DPYD: variants seen among roughly 807,000 people sequenced by gnomAD.
The protein encoded by DPYD is dihydropyrimidine dehydrogenase [NADP(+)].
In DPYD, 109 loss-of-function variants were observed where a neutral mutation model predicts 116.2. The observed-to-expected ratio is 0.94, with a 90% CI of 0.80 to 1.10. The LOEUF (loss-of-function observed/expected upper bound fraction) is 1.10, where lower values mean the gene tolerates loss of function less well. Ranked by LOEUF, DPYD falls within the 50% of genes least tolerant of loss-of-function variation. The probability of loss-of-function intolerance (pLI) is 0.00; values close to 1 mark genes in which losing one functional copy is unlikely to be tolerated. For synonymous variants in DPYD, 440 were observed against 432.0 expected (o/e 1.02, Z -0.23); for missense variants, 1,302 against 1,254.5 (o/e 1.04, Z -0.57).
chr1:97,373,471 G>T, intron 16 of DPYD, 90 bp downstream of exon 16: 1 of 1,078,642 alleles, frequency 9.3e-7, no homozygotes, highest in Non-Finnish European at 1.4e-6. Flanking sequence ...TCTGATCCAT[G>T]CATCTCCTTG....
intron 3 of DPYD, chr1:97,797,878 A>G (rs1304283918): frequency 6.6e-6 from 1 of 152,112 alleles, no homozygotes; most frequent in Non-Finnish European, 1.5e-5. Context: ...CCTAAGATTT[A>G]TGATAAGTTC....
intron 12 of DPYD, among the ~76,000 whole-genome samples, chr1:97,532,081 T>C (rs999498605): frequency 3.9e-5 from 6 of 152,108 alleles, no homozygotes; most frequent in African/African-American, 1.4e-4. Context: ...TTAATTTTTC[T>C]TCTTGTTATC....
At chr1:97,302,469 C>T (rs1251788519) in intron 18 of DPYD, among the ~76,000 whole-genome samples, 1 of 151,772 alleles carries the variant, frequency 6.6e-6, no homozygotes, top group Non-Finnish European at 1.5e-5. Context: ...AGCACCGCCC[C>T]CCAGAGTTTA....
intron 1 of DPYD, among the ~76,000 whole-genome samples, chr1:97,919,229 A>G (rs1674376553): frequency 6.6e-6 from 1 of 152,224 alleles, no homozygotes; most frequent in Non-Finnish European, 1.5e-5. Context: ...ACTACATAAG[A>G]GCTGAAGGTG....
chr1:97,305,445 C>T (rs1667102117), intron 17 of DPYD, 67 bp from the exon 18 acceptor site: 6 of 1,602,690 alleles, frequency 3.7e-6, no homozygotes, highest in Non-Finnish European at 5.1e-6. Flanking sequence ...CCCATTCAAA[C>T]CCTCACATCC....
intron 3 of DPYD, among the ~76,000 whole-genome samples, chr1:97,814,945 G>GAAAGGAGAGAAAA (rs1668515018): frequency 7.3e-6 from 1 of 137,760 alleles, no homozygotes; most frequent in African/African-American, 2.7e-5. Context: ...AAGAAAGAAA[G>GAAAGGAGAGAAAA]AAAGAAAGAA....
chr1:97,545,718 G>A (rs1389597660), intron 12 of DPYD: 8 of 1,111,086 alleles, frequency 7.2e-6, no homozygotes, highest in Middle Eastern at 2.0e-4. Flanking sequence ...TAATAGTAAT[G>A]GCCCCGAACC....
chr1:97,174,629 C>A (rs1274149591), intron 20 of DPYD, among the ~76,000 whole-genome samples: 4 of 152,086 alleles, frequency 2.6e-5, no homozygotes, highest in Non-Finnish European at 4.4e-5. Flanking sequence ...CCAAAGGCTA[C>A]CTGATTAAAA....
At chr1:97,218,923 G>T (rs547336665) in intron 19 of DPYD, among the ~76,000 whole-genome samples, 1 of 152,064 alleles carries the variant, frequency 6.6e-6, no homozygotes, top group African/African-American at 2.4e-5. Context: ...TGTTAGTACT[G>T]CAAAGAGAAA....
At position 97,718,883 on chromosome 1, in the gene DPYD, G is replaced by T. The variant is rs528658000; in HGVS notation, c.483+2627C>A. ...AATATTTTCAAAATAAAATTTTCAA[G>T]GGTTATATTTGTGCAGAGAAATTCA... On this transcript the variant is annotated intron_variant, in intron 5 of 22. Coordinates refer to ENST00000370192, the MANE Select transcript of DPYD (RefSeq NM_000110.4). Among the ~76,000 whole-genome samples the T allele has an allele frequency of 1.1e-3, 163 of 151,188 alleles. 1 individual carries two copies. Among genetic ancestry groups the T allele is most frequent in the African/African-American group, 3.9e-3 (163 of 41,274 alleles).
intron 13 of DPYD, among the ~76,000 whole-genome samples, chr1:97,459,970 G>A (rs1273951942): frequency 4.6e-5 from 7 of 152,104 alleles, no homozygotes; most frequent in African/African-American, 7.2e-5. Flanking sequence ...GTCACCTTTC[G>A]AGGGAGGAGA....
At chr1:97,622,036 G>A (rs1384896884) in intron 8 of DPYD, among the ~76,000 whole-genome samples, 3 of 151,990 alleles carry the variant, frequency 2.0e-5, no homozygotes, top group African/African-American at 7.2e-5. Context: ...GGGCAGAATA[G>A]ACAAATTCCC....
intron 16 of DPYD, among the ~76,000 whole-genome samples, chr1:97,339,663 A>T (rs1006102754): frequency 2.0e-5 from 3 of 152,234 alleles, no homozygotes; most frequent in African/African-American, 2.4e-5. Context: ...TTTCTACCAG[A>T]AGCAAATCTC....
chr1:97,393,061 T>C (rs1672802029), intron 14 of DPYD, among the ~76,000 whole-genome samples: 1 of 152,092 alleles, frequency 6.6e-6, no homozygotes, highest in South Asian at 2.1e-4. Flanking sequence ...ATCATTTGTG[T>C]GTTCACTGGA....
chr1:97,920,855 C>T, intron 1 of DPYD, 29 bp downstream of exon 1: 1 of 1,581,732 alleles, frequency 6.3e-7, no homozygotes, highest in Non-Finnish European at 8.6e-7. Flanking sequence ...CACCCCGCCA[C>T]CACCGACGAG....
chr1:97,828,404 G>T (rs947618679), intron 2 of DPYD, among the ~76,000 whole-genome samples: 1 of 152,018 alleles, frequency 6.6e-6, no homozygotes, highest in Admixed American at 6.6e-5. Flanking sequence ...TGTCACAGAA[G>T]TCTCATTATC....
rs191400004 is a variant in DPYD, at chr1:97,521,716, G to A, written c.1525-5775C>T. On this transcript the variant is annotated intron_variant, in intron 12 of 22. Coordinates refer to ENST00000370192, the MANE Select transcript of DPYD (RefSeq NM_000110.4). ...GTACTGGTACCAAAACAGAGACATA[G>A]ACCAATGGAACAGAACAGAACCCTC... 2.4e-4 allele frequency among the ~76,000 whole-genome samples: 37 copies of A among 152,222 alleles called. No individual in the cohort carries two copies. In the East Asian group the frequency reaches 7.1e-3, roughly 29 times the overall value.
At chr1:97,607,730 G>C (rs1655691129) in intron 8 of DPYD, among the ~76,000 whole-genome samples, 1 of 151,936 alleles carries the variant, frequency 6.6e-6, no homozygotes, top group Admixed American at 6.6e-5. Flanking sequence ...CAAAAAAAGA[G>C]AGGTATCAGC....
chr1:97,681,056 C>G (rs1660404110), intron 7 of DPYD, among the ~76,000 whole-genome samples: 1 of 152,112 alleles, frequency 6.6e-6, no homozygotes, highest in Non-Finnish European at 1.5e-5. Flanking sequence ...AATAGTGCAC[C>G]TAAGTGTAAA....
Sources: gnomAD v4.1 joint callset for allele counts (sites outside exome capture counted in the v4.1 genomes callset) on GRCh38, gnomAD v4.1.1 for gene constraint, MANE v1.5 for transcripts, NCBI Gene and HGNC (gene_info 2026-07-23, HGNC 2026-07-21) for gene names.